The following CHRM3 variants were observed in gnomAD, a reference collection of about 807,000 sequenced individuals.
CHRM3 encodes the protein cholinergic receptor muscarinic 3.
A neutral mutation model predicts 41.8 loss-of-function variants in CHRM3; 11 were observed. That is an observed-to-expected ratio of 0.26 (90% CI 0.17 to 0.44). CHRM3 has a LOEUF of 0.44. Among genes scored for constraint, CHRM3 ranks in the 20% least tolerant of loss-of-function variants. CHRM3 has a pLI of 1.00. For missense variants in CHRM3, 571 were observed against 745.4 expected (o/e 0.77, Z 2.72); for synonymous variants, 297 against 301.4 (o/e 0.99, Z 0.15).
At chr1:239,658,909 T>C (rs1672950883) in intron 4 of CHRM3, among the ~76,000 whole-genome samples, 1 of 152,196 alleles carries the variant, frequency 6.6e-6, no homozygotes, top group Middle Eastern at 3.4e-3. Context: ...TGGCTATTTT[T>C]TGTATTTTTA....
At chr1:239,581,098 G>T (rs13313077) in intron 3 of CHRM3, among the ~76,000 whole-genome samples, 1 of 152,048 alleles carries the variant, frequency 6.6e-6, no homozygotes, top group Admixed American at 6.6e-5. Flanking sequence ...GGATTTCTTG[G>T]TAGGAAGGGA....
At position 239,717,467 on chromosome 1, in the gene CHRM3, G is replaced by GCA. The variant is rs3063637; in HGVS notation, c.-147+39196_-147+39197dup. On this transcript the variant is annotated intron_variant, in intron 5 of 6. Transcript: ENST00000676153. The stretch of plus-strand genomic sequence containing the variant: ...ACAGAACTCAAGGAAAGACACACAC[G>GCA]CACACACACACACACACATGATTTT... Among the ~76,000 whole-genome samples, 1,146 of 150,556 alleles carry GCA rather than the reference G, an allele frequency of 7.6e-3. 6 individuals are homozygous for GCA. Among genetic ancestry groups the GCA allele is most frequent in the Middle Eastern group, 0.041 (12 of 292 alleles).
At chr1:239,688,693 T>C (rs1409055176) in intron 5 of CHRM3, among the ~76,000 whole-genome samples, 3 of 133,462 alleles carry the variant, frequency 2.2e-5, no homozygotes, top group Non-Finnish European at 4.6e-5. Flanking sequence ...CAATATAATA[T>C]ATAATATTAT....
At position 239,760,975 on chromosome 1, in the gene CHRM3, C is replaced by T. The variant is rs898141193; in HGVS notation, c.-146-66277C>T. The stretch of plus-strand genomic sequence containing the variant: ...AGATATCTTATCTGTTTTCCTCTCC[C>T]CTCGCCCAAACCACTAATATGTCTG... On this transcript the variant is annotated intron_variant, in intron 5 of 6. Coordinates refer to ENST00000676153, the MANE Select transcript of CHRM3 (RefSeq NM_001375978.1). Among the ~76,000 whole-genome samples, 6 of 70,166 alleles carry T rather than the reference C, an allele frequency of 8.6e-5. No homozygotes were observed. The Admixed American group carries it at 1.0e-3, about 12-fold the overall frequency. The allele number at this position is 70,166 out of a possible 152,430, so 46.0% of individuals were successfully genotyped here. A position where few individuals can be genotyped will look rare whatever the true frequency, so the allele number is the denominator to read the frequency against.
chr1:239,559,662 T>A (rs530870165), intron 3 of CHRM3, among the ~76,000 whole-genome samples: 1 of 152,316 alleles, frequency 6.6e-6, no homozygotes, highest in East Asian at 1.9e-4. Flanking sequence ...CTGGCCAATA[T>A]TTCTTGTACC....
Position 239,404,392 on chromosome 1 carries a change from GAA to G in CHRM3, c.-521+17167_-521+17168del, listed in dbSNP as rs1320845596. Among the ~76,000 whole-genome samples, 671 of 69,824 alleles carry G rather than the reference GAA, an allele frequency of 9.6e-3. 5 individuals are homozygous for G. Among genetic ancestry groups the G allele is most frequent in the African/African-American group, 0.013 (223 of 17,204 alleles). 45.8% of individuals were successfully genotyped at this position (69,824 alleles called of 152,430 possible). ...AGAAAGAAAGAAAGAAAGAAAGAAA[GAA>G]AGAAAGAAAGAAAGAAAAAGAAAGA... On this transcript the variant is annotated intron_variant, in intron 1 of 6. Coordinates refer to ENST00000676153, the MANE Select transcript of CHRM3 (RefSeq NM_001375978.1).
chr1:239,840,777 A>G (rs1409053541), intron 6 of CHRM3, among the ~76,000 whole-genome samples: 1 of 152,206 alleles, frequency 6.6e-6, no homozygotes, highest in African/African-American at 2.4e-5. Flanking sequence ...TTAACATAAG[A>G]AAAAGGGTTA....
chr1:239,761,315 A>T (rs1211434978), intron 5 of CHRM3, among the ~76,000 whole-genome samples: 1 of 152,150 alleles, frequency 6.6e-6, no homozygotes, highest in East Asian at 1.9e-4. Context: ...GTGTGTGTGT[A>T]TAAGCTCTTT....
chr1:239,435,381 A>G (rs1239752901), intron 1 of CHRM3, among the ~76,000 whole-genome samples: 1 of 151,602 alleles, frequency 6.6e-6, no homozygotes, highest in Non-Finnish European at 1.5e-5. Context: ...CCCGGGAGGC[A>G]GAGGTTGCAG....
chr1:239,523,841 TG>T (rs751215373), intron 2 of CHRM3, among the ~76,000 whole-genome samples: 3 of 152,216 alleles, frequency 2.0e-5, no homozygotes, highest in Non-Finnish European at 4.4e-5. Flanking sequence ...TTTACATTTT[TG>T]TGTAGTACAG....
At chr1:239,484,004 GAAGT>G (rs1299020822) in intron 1 of CHRM3, among the ~76,000 whole-genome samples, 1 of 152,154 alleles carries the variant, frequency 6.6e-6, no homozygotes, top group African/African-American at 2.4e-5. Context: ...TGCTATTAAC[GAAGT>G]AAGTGTGTAG....
intron 1 of CHRM3, among the ~76,000 whole-genome samples, chr1:239,414,397 A>C (rs997701482): frequency 2.0e-5 from 3 of 152,226 alleles, no homozygotes; most frequent in Non-Finnish European, 2.9e-5. Flanking sequence ...TTGAATATTC[A>C]TTTAGGTTGT....
intron 6 of CHRM3, among the ~76,000 whole-genome samples, chr1:239,831,824 T>A (rs955981211): frequency 6.6e-6 from 1 of 152,176 alleles, no homozygotes; most frequent in South Asian, 2.1e-4. Context: ...AGGTGTTATA[T>A]AGATTAAAGC....
chr1:239,769,224 G>A (rs1399474755), intron 5 of CHRM3, among the ~76,000 whole-genome samples: 1 of 152,170 alleles, frequency 6.6e-6, no homozygotes, highest in African/African-American at 2.4e-5. Context: ...CAATGGATAA[G>A]TAGGGAAGGA....
At chr1:239,660,934 C>A (rs768137445) in intron 4 of CHRM3, among the ~76,000 whole-genome samples, 1 of 152,148 alleles carries the variant, frequency 6.6e-6, no homozygotes, top group Non-Finnish European at 1.5e-5. Context: ...ATGTCACATA[C>A]TCTTCCAAGC....
intron 4 of CHRM3, among the ~76,000 whole-genome samples, chr1:239,654,359 C>G (rs533762739): frequency 1.3e-5 from 2 of 152,228 alleles, no homozygotes; most frequent in African/African-American, 2.4e-5. Flanking sequence ...GGGACCTTGA[C>G]GGTTCAATTC....
chr1:239,654,426 TCTCA>T (rs1234490669), intron 4 of CHRM3, among the ~76,000 whole-genome samples: 2 of 152,156 alleles, frequency 1.3e-5, no homozygotes, highest in Non-Finnish European at 2.9e-5. Flanking sequence ...TGAGACGGAG[TCTCA>T]CTCTGTCACC....
chr1:239,592,799 A>G (rs1477985757), intron 3 of CHRM3, among the ~76,000 whole-genome samples: 1 of 152,048 alleles, frequency 6.6e-6, no homozygotes, highest in Non-Finnish European at 1.5e-5. Context: ...GCATTCATGT[A>G]CAAGATTTTG....
At chr1:239,749,392 G>A (rs959556381) in intron 5 of CHRM3, among the ~76,000 whole-genome samples, 8 of 152,130 alleles carry the variant, frequency 5.3e-5, no homozygotes, top group Non-Finnish European at 8.8e-5. Flanking sequence ...GGTAGGTTGG[G>A]CACGAGTGGC....
Sources: allele counts gnomAD v4.1 joint callset (sites outside exome capture counted in the v4.1 genomes callset), GRCh38; gene constraint gnomAD v4.1.1; transcripts MANE v1.5; gene names NCBI Gene and HGNC (gene_info 2026-07-23, HGNC 2026-07-21).